The following ATPAF2 variants were observed in gnomAD, a reference collection of about 807,000 sequenced individuals.
The protein encoded by ATPAF2 is ATP12 homolog.
A neutral mutation model predicts 36.6 loss-of-function variants in ATPAF2; 30 were observed. That is an observed-to-expected ratio of 0.82 (90% confidence interval 0.61 to 1.11). ATPAF2 has a LOEUF of 1.11. Ranked by LOEUF, ATPAF2 falls within the 50% of genes most tolerant of loss-of-function variation. ATPAF2 has a pLI of 0.00. For missense variants in ATPAF2, 321 were observed against 372.3 expected (o/e 0.86, Z 1.13); for synonymous variants, 140 against 152.6 (o/e 0.92, Z 0.61).
rs1447055835 is a variant in ATPAF2, at chr17:18,028,395, A to C, written c.179-18T>G. 1 of 1,613,390 alleles carries C rather than the reference A, an allele frequency of 6.2e-7. No individual in the cohort carries two copies. The highest frequency in any genetic ancestry group is 1.1e-5 in the South Asian group (1 of 90,994). On this transcript the variant is annotated intron_variant, in intron 2 of 7. Coordinates refer to ENST00000474627, the MANE Select transcript of ATPAF2 (RefSeq NM_145691.4). Reference sequence around the variant, plus strand: ...AAAGCCACCTTGAAAGATCAAATGAAAAACTCTCAGGGATTTGTTAAGTGG... The same window carrying C: ...AAAGCCACCTTGAAAGATCAAATGACAAACTCTCAGGGATTTGTTAAGTGG...
intron 7 of ATPAF2, among the ~76,000 whole-genome samples, chr17:18,019,762 G>A (rs2044442410): frequency 1.3e-5 from 2 of 152,226 alleles, no homozygotes; most frequent in South Asian, 4.1e-4. Flanking sequence ...TGAACTTCTG[G>A]GCTGCCTGGT....
intron 1 of ATPAF2, among the ~76,000 whole-genome samples, 159 bp from the exon 2 acceptor site, chr17:18,028,818 C>A (rs150626509): frequency 6.6e-6 from 1 of 152,174 alleles, no homozygotes; most frequent in South Asian, 2.1e-4. Flanking sequence ...TATAATCAAC[C>A]GCTTCTGATT....
chr17:18,018,296 G>A lies in ATPAF2; in HGVS notation c.*253C>T, dbSNP rs1466945929. 2 of 557,830 alleles carry A rather than the reference G, an allele frequency of 3.6e-6. No homozygotes were observed. Among genetic ancestry groups the A allele is most frequent in the African/African-American group, 3.8e-5 (2 of 52,878 alleles). The allele number at this position is 557,830 out of a possible 1,614,324, so 34.6% of individuals were successfully genotyped here. On this transcript the variant is annotated 3_prime_UTR_variant, in exon 8 of 8. Transcript: ENST00000474627. ...TGGAGAAATATTTAATAAAATCAGA[G>A]TCGAGAGAAAGTCACTTGCACAATT...
At chr17:18,035,519 AT>A in intron 1 of ATPAF2, among the ~76,000 whole-genome samples, 1 of 152,376 alleles carries the variant, frequency 6.6e-6, no homozygotes, top group Middle Eastern at 3.4e-3. Flanking sequence ...CTTCAAGTAA[AT>A]GAATTGTATA....
intron 3 of ATPAF2, 55 bp from the exon 4 acceptor site, chr17:18,026,471 C>T: frequency 7.2e-7 from 1 of 1,382,556 alleles, no homozygotes; most frequent in Non-Finnish European, 1.0e-6. Flanking sequence ...AGGCAAAAGC[C>T]CTGCTTTCCT....
At chr17:18,020,923 A>G (rs2044460417) in intron 7 of ATPAF2, 200 bp downstream of exon 7, 19 of 1,352,600 alleles carry the variant, frequency 1.4e-5, no homozygotes, top group Non-Finnish European at 1.8e-5. Flanking sequence ...AGCCACCCAA[A>G]GTGCTGGGAT....
At chr17:18,022,589 T>A (rs896199895) in intron 5 of ATPAF2, among the ~76,000 whole-genome samples, 1 of 149,730 alleles carries the variant, frequency 6.7e-6, no homozygotes, top group Non-Finnish European at 1.5e-5. Context: ...AGTCATTTTT[T>A]CAAACTTTTT....
intron 2 of ATPAF2, 26 bp downstream of exon 2, chr17:18,028,589 A>G: frequency 4.7e-6 from 7 of 1,474,712 alleles, no homozygotes; most frequent in South Asian, 1.2e-5. Flanking sequence ...AAAAAAAAAG[A>G]GGCAGTCAAA....
intron 1 of ATPAF2, among the ~76,000 whole-genome samples, chr17:18,034,975 T>G (rs2044684728): frequency 6.6e-6 from 1 of 152,162 alleles, no homozygotes; most frequent in South Asian, 2.1e-4. Flanking sequence ...GGTGGCTCAC[T>G]CCTGTAATCC....
At chr17:18,023,342 C>T (rs576133869) in intron 5 of ATPAF2, among the ~76,000 whole-genome samples, 4 of 150,568 alleles carry the variant, frequency 2.7e-5, no homozygotes, top group East Asian at 4.0e-4. Context: ...GCACGAGAAT[C>T]GTTTAAACCC....
At chr17:18,022,969 C>T (rs2044492729) in intron 5 of ATPAF2, among the ~76,000 whole-genome samples, 1 of 151,170 alleles carries the variant, frequency 6.6e-6, no homozygotes, top group South Asian at 2.1e-4. Context: ...ACTAAAAATA[C>T]AAAAAAAATT....
intron 1 of ATPAF2, among the ~76,000 whole-genome samples, chr17:18,036,283 T>TGGGGGTC (rs1383019823): frequency 3.3e-5 from 5 of 151,398 alleles, no homozygotes; most frequent in Admixed American, 6.6e-5. Flanking sequence ...AGAGAACACG[T>TGGGGGTC]GGGGGTCGGG....
At chr17:18,025,936 G>A (rs2044538669) in intron 4 of ATPAF2, 1 of 348,764 alleles carries the variant, frequency 2.9e-6, no homozygotes, top group Non-Finnish European at 5.5e-6. Context: ...AACTGGAGAA[G>A]GACACTCCTA....
intron 1 of ATPAF2, among the ~76,000 whole-genome samples, chr17:18,038,192 A>G (rs546606029): frequency 1.5e-3 from 222 of 152,312 alleles, no homozygotes; most frequent in African/African-American, 5.2e-3. Context: ...AACTAATTGA[A>G]TGGTGGGAGG....
chr17:18,029,482 C>T (rs1358073923), intron 1 of ATPAF2, among the ~76,000 whole-genome samples: 3 of 152,196 alleles, frequency 2.0e-5, no homozygotes, highest in African/African-American at 7.2e-5. Context: ...TTCATGTGTT[C>T]ACTGAGTTCT....
chr17:18,024,050 A>G (rs2044508339), intron 5 of ATPAF2, among the ~76,000 whole-genome samples: 2 of 152,228 alleles, frequency 1.3e-5, no homozygotes, highest in Non-Finnish European at 2.9e-5. Flanking sequence ...CATATCGTAT[A>G]TGTTGTTCTG....
intron 4 of ATPAF2, 121 bp downstream of exon 4, chr17:18,026,198 G>T: frequency 1.0e-6 from 1 of 981,276 alleles, no homozygotes; most frequent in Non-Finnish European, 1.6e-6. Context: ...AAAGTCAAGT[G>T]GGCCACCTTC....
chr17:18,018,616 G>A lies in ATPAF2; in HGVS notation c.803C>T (p.Ala268Val). Residue 268 changes from alanine to valine, a missense_variant, in exon 8 of 8, where the codon GCC (alanine) becomes GTC (valine). Physicochemically the swap from Ala to Val is moderately conservative, Grantham distance 64 (BLOSUM62 0). This residue lies in a region of ATPAF2 where 199 missense variants were observed against 220.6 expected (regional missense o/e 0.90). Transcript: ENST00000474627. ...ELQELRARTA[A>V]GTLFIHLCSE... ...GCAGAGATGGATGAAGAGGGTGCCGGCGGCGGTGCGGGCCCGCAGCTCCTG... is the reference window on the plus strand; with the variant it reads ...GCAGAGATGGATGAAGAGGGTGCCGACGGCGGTGCGGGCCCGCAGCTCCTG... The A allele has an allele frequency of 6.2e-7, 1 of 1,614,034 alleles. No homozygotes were observed. Among genetic ancestry groups the A allele is most frequent in the Non-Finnish European group, 8.5e-7 (1 of 1,180,028 alleles).
intron 7 of ATPAF2, 68 bp from the exon 8 acceptor site, chr17:18,018,754 C>A (rs1024864549): frequency 6.2e-7 from 1 of 1,609,906 alleles, no homozygotes; most frequent in Admixed American, 1.7e-5. Flanking sequence ...ACCAAAGCCA[C>A]GTTCCATTCC....
Sources: gnomAD v4.1 joint callset for allele counts (sites outside exome capture counted in the v4.1 genomes callset) on GRCh38, gnomAD v4.1.1 for gene constraint, gnomAD v4.1.1 regional missense constraint, MANE v1.5 for transcripts, NCBI Gene and HGNC (gene_info 2026-07-23, HGNC 2026-07-21) for gene names.